The following DEFB114 variants were observed in gnomAD, a reference collection of about 807,000 sequenced individuals.
The protein encoded by DEFB114 is beta-defensin 114.
A neutral mutation model predicts 2.4 loss-of-function variants in DEFB114; 4 were observed. The observed-to-expected ratio is 1.67, with a 90% CI of 0.82 to 3.82. DEFB114 has a LOEUF of 3.82. Ranked by LOEUF, DEFB114 falls within the 30% of genes most tolerant of loss-of-function variation. The pLI, the probability that DEFB114 is intolerant of heterozygous loss-of-function variation, is 0.01. For missense variants in DEFB114, 113 were observed against 85.8 expected (o/e 1.32, Z -1.25); for synonymous variants, 35 against 24.6 (o/e 1.42, Z -1.26).
At position 49,964,033 on chromosome 6, in the gene DEFB114, CAG is replaced by C; in HGVS notation, c.55+16_55+17del. The C allele has an allele frequency of 4.6e-6, 7 of 1,536,176 alleles. No homozygotes were observed. Among genetic ancestry groups the C allele is most frequent in the Admixed American group, 1.9e-5 (1 of 52,210 alleles). On this transcript the variant is annotated intron_variant, in intron 1 of 1. Transcript: ENST00000322066. The stretch of plus-strand genomic sequence containing the variant: ...AGTGAGAAGTTTTACACAAATATAA[CAG>C]AGACATCTATCTTACCTGGTAGAAT...
rs766702858 is a variant in DEFB114, at chr6:49,960,480, CT to C, written c.56-35del. ...AAAGAAGAGTAACAGAAATTCTAAT[CT>C]TTTATTTAAGCATATATTACTTCTG... On this transcript the variant is annotated intron_variant, in intron 1 of 1. Transcript: ENST00000322066. The C allele has an allele frequency of 4.5e-6, 7 of 1,563,802 alleles. No homozygotes were observed. In the African/African-American group the frequency reaches 8.3e-5, roughly 19 times the overall value.
intron 1 of DEFB114, among the ~76,000 whole-genome samples, chr6:49,962,817 A>G (rs1431975757): frequency 4.0e-5 from 6 of 150,266 alleles, no homozygotes; most frequent in Non-Finnish European, 9.0e-5. Context: ...TATTTATTGA[A>G]AAGCTTATTT....
chr6:49,963,567 C>A (rs943896623), intron 1 of DEFB114, among the ~76,000 whole-genome samples: 1 of 149,452 alleles, frequency 6.7e-6, no homozygotes, highest in East Asian at 1.9e-4. Flanking sequence ...TCCTTGTAAA[C>A]CCTACTATGA....
At chr6:49,962,921 GA>G (rs753869010) in intron 1 of DEFB114, among the ~76,000 whole-genome samples, 1 of 149,826 alleles carries the variant, frequency 6.7e-6, no homozygotes, top group African/African-American at 2.4e-5. Flanking sequence ...GATAATTTCT[GA>G]AAAAATTACA....
intron 1 of DEFB114, among the ~76,000 whole-genome samples, chr6:49,963,352 AAT>A (rs1773492694): frequency 6.7e-6 from 1 of 150,088 alleles, no homozygotes; most frequent in Non-Finnish European, 1.5e-5. Context: ...AAGCTTTATT[AAT>A]TTTGTTAGTC....
At chr6:49,964,027 A>T in intron 1 of DEFB114, 24 bp downstream of exon 1, 1 of 1,524,428 alleles carries the variant, frequency 6.6e-7, no homozygotes, top group South Asian at 1.2e-5. Context: ...TTTTACACAA[A>T]TATAACAGAG....
chr6:49,960,578 CT>C (rs1773441756), intron 1 of DEFB114, 132 bp from the exon 2 acceptor site: 2 of 845,230 alleles, frequency 2.4e-6, no homozygotes, highest in Non-Finnish European at 1.7e-6. Context: ...CCATGTATAT[CT>C]TATACCCCAT....
At chr6:49,960,493 A>G in intron 1 of DEFB114, 47 bp from the exon 2 acceptor site, 1 of 1,541,726 alleles carries the variant, frequency 6.5e-7, no homozygotes, top group South Asian at 1.3e-5. Context: ...TTATTTAAGC[A>G]TATATTACTT....
chr6:49,961,327 T>C (rs979503162), intron 1 of DEFB114, among the ~76,000 whole-genome samples: 25 of 150,746 alleles, frequency 1.7e-4, no homozygotes, highest in Admixed American at 2.7e-4. Context: ...TTATTTATTA[T>C]AGTATTTTTC....
chr6:49,960,458 G>T lies in DEFB114; in HGVS notation c.56-12C>A, dbSNP rs1339750469. ...CAAGGTACATGTGGCTACGGTAAAA[G>T]AAGAGTAACAGAAATTCTAATCTTT... On this transcript the variant is annotated splice_polypyrimidine_tract_variant and intron_variant, in intron 1 of 1. Transcript: ENST00000322066. 6.3e-7 allele frequency: 1 copy of T among 1,578,876 alleles called. No individual in the cohort carries two copies. The highest frequency in any genetic ancestry group is 8.6e-7 in the Non-Finnish European group (1 of 1,166,414).
chr6:49,960,591 T>G, intron 1 of DEFB114, 145 bp from the exon 2 acceptor site: 1 of 662,358 alleles, frequency 1.5e-6, no homozygotes, highest in Non-Finnish European at 2.3e-6. Flanking sequence ...ATACCCCATG[T>G]ATATATAACT....
intron 1 of DEFB114, among the ~76,000 whole-genome samples, chr6:49,961,973 T>C (rs1392195157): frequency 1.3e-5 from 2 of 150,796 alleles, no homozygotes; most frequent in Non-Finnish European, 3.0e-5. Context: ...TTCATTATCA[T>C]ATAGTGGACT....
chr6:49,963,428 A>T (rs1773494399), intron 1 of DEFB114, among the ~76,000 whole-genome samples: 1 of 149,990 alleles, frequency 6.7e-6, no homozygotes, highest in Non-Finnish European at 1.5e-5. Flanking sequence ...CTTACATCTA[A>T]TTAAGTCTTA....
rs749661598 is a variant in DEFB114 at position 49,964,141 on chromosome 6, G to T, written c.-36C>A. 10 of 1,465,346 alleles carry T rather than the reference G, an allele frequency of 6.8e-6. No homozygotes were observed. The highest frequency in any genetic ancestry group is 4.7e-6 in the Non-Finnish European group (5 of 1,067,018). 90.8% of individuals were successfully genotyped at this position (1,465,346 alleles called of 1,614,324 possible). On this transcript the variant is annotated 5_prime_UTR_variant, in exon 1 of 2. The change creates a new upstream start codon in the 5' untranslated region. Transcript: ENST00000322066. Reference sequence around the variant, plus strand: ...GAAGTTGTTGAAAGACTTGATAACAGAATATAGAGACTATAGAACTTTCCA... The same window carrying T: ...GAAGTTGTTGAAAGACTTGATAACATAATATAGAGACTATAGAACTTTCCA...
chr6:49,960,969 A>G (rs1773449290), intron 1 of DEFB114, among the ~76,000 whole-genome samples: 1 of 150,714 alleles, frequency 6.6e-6, no homozygotes, highest in Admixed American at 6.7e-5. Context: ...ATTTATGTTG[A>G]ATACTTTTCC....
At position 49,964,109 on chromosome 6, in the gene DEFB114, G is replaced by A. The variant is rs189596822; in HGVS notation, c.-4C>T. 1.5e-5 allele frequency: 23 copies of A among 1,576,540 alleles called. No individual in the cohort carries two copies. The highest frequency in any genetic ancestry group is 5.3e-5 in the Admixed American group (3 of 56,574). On this transcript the variant is annotated 5_prime_UTR_variant, in exon 1 of 2. Transcript: ENST00000322066. ...GGAGATAGTAAAAGATCCTCATTCT[G>A]TAGAAAGAAGTTGTTGAAAGACTTG...
chr6:49,963,911 G>T, intron 1 of DEFB114, 140 bp downstream of exon 1: 1 of 613,482 alleles, frequency 1.6e-6, no homozygotes, highest in Non-Finnish European at 2.8e-6. Context: ...TATCAATGAG[G>T]AAACCAAGAT....
chr6:49,963,260 T>A (rs955254128), intron 1 of DEFB114, among the ~76,000 whole-genome samples: 10 of 150,198 alleles, frequency 6.7e-5, no homozygotes, highest in Admixed American at 6.0e-4. Flanking sequence ...TCTCCCATGA[T>A]CTTTTTGATA....
chr6:49,963,139 T>G (rs1343804639), intron 1 of DEFB114, among the ~76,000 whole-genome samples: 1 of 150,190 alleles, frequency 6.7e-6, no homozygotes, highest in Non-Finnish European at 1.5e-5. Context: ...AAAGGATGTT[T>G]CTAACTTATT....
Sources: gnomAD v4.1 joint callset for allele counts (sites outside exome capture counted in the v4.1 genomes callset) on GRCh38, gnomAD v4.1.1 for gene constraint, MANE v1.5 for transcripts, NCBI Gene and HGNC (gene_info 2026-07-23, HGNC 2026-07-21) for gene names.